The following ERG variants were observed in gnomAD, a reference collection of about 807,000 sequenced individuals.
The protein encoded by ERG is transcriptional regulator ERG.
In ERG, 9 loss-of-function variants were observed where a neutral mutation model predicts 55.3. The ratio of observed to expected loss-of-function variants is 0.16; its 90% CI spans 0.10 to 0.28. ERG has a LOEUF of 0.28. Among genes scored for constraint, ERG ranks in the 10% least tolerant of loss-of-function variants. ERG has a pLI of 1.00. For synonymous variants in ERG, 223 were observed against 237.3 expected (o/e 0.94, Z 0.55); for missense variants, 434 against 631.6 (o/e 0.69, Z 3.35).
chr21:38,382,248 T>C lies in ERG; in HGVS notation c.*1155A>G, dbSNP rs537448464. On this transcript the variant is annotated 3_prime_UTR_variant, in exon 10 of 10. Coordinates refer to ENST00000288319, the MANE Select transcript of ERG (RefSeq NM_182918.4). ...ATTATATAAAAAGGGGGAAAAACAT[T>C]GACTTGTATACTTCATTCTGACAAA... 4.5e-4 allele frequency: 468 copies of C among 1,050,474 alleles called. 1 individual carries two copies. The highest frequency in any genetic ancestry group is 3.9e-4 in the Non-Finnish European group (336 of 869,524). The allele number at this position is 1,050,474 out of a possible 1,614,324, so 65.1% of individuals were successfully genotyped here. A position where few individuals can be genotyped will look rare whatever the true frequency, so the allele number is the denominator to read the frequency against.
chr21:38,473,965 A>G (rs148107403), intron 1 of ERG: 124 of 152,284 alleles, frequency 8.1e-4, no homozygotes, highest in African/African-American at 2.9e-3. Flanking sequence ...GTTGGAAAAC[A>G]TGAGCCAACT....
At chr21:38,538,995 G>A (rs530886559) in intron 2 of ERG, among the ~76,000 whole-genome samples, 6 of 152,282 alleles carry the variant, frequency 3.9e-5, no homozygotes, top group South Asian at 2.1e-4. Flanking sequence ...AGGAATAAAT[G>A]AGCAGATGTC....
chr21:38,513,174 AATAC>A (rs1344898025), intron 2 of ERG, among the ~76,000 whole-genome samples: 1 of 152,122 alleles, frequency 6.6e-6, no homozygotes, highest in Non-Finnish European at 1.5e-5. Flanking sequence ...GACTTTATAG[AATAC>A]ATAAATATAT....
intron 1 of ERG, among the ~76,000 whole-genome samples, chr21:38,472,464 A>G (rs924313834): frequency 6.6e-6 from 1 of 152,190 alleles, no homozygotes; most frequent in African/African-American, 2.4e-5. Context: ...TTAGAGATAA[A>G]GACAGAGGTT....
intron 1 of ERG, among the ~76,000 whole-genome samples, chr21:38,577,066 A>G (rs2836531): frequency 0.58 from 88,883 of 152,096 alleles, 28,417 homozygotes; most frequent in African/African-American, 0.85. Flanking sequence ...TCTCCTTTAC[A>G]ATGGCTCTTT....
chr21:38,452,513 GGA>G (rs1008967627), intron 1 of ERG, among the ~76,000 whole-genome samples: 9 of 152,052 alleles, frequency 5.9e-5, no homozygotes, highest in African/African-American at 2.2e-4. Context: ...AAGATAATAA[GGA>G]GAGATGAAAA....
At chr21:38,571,523 TA>T (rs2059957684) in intron 2 of ERG, among the ~76,000 whole-genome samples, 3 of 150,776 alleles carry the variant, frequency 2.0e-5, no homozygotes, top group African/African-American at 4.9e-5. Flanking sequence ...AAAAAATAAA[TA>T]AAAATAAATA....
chr21:38,450,091 TA>T (rs201099274), intron 1 of ERG, among the ~76,000 whole-genome samples: 3,728 of 144,630 alleles, frequency 0.026, 62 homozygotes, highest in Middle Eastern at 0.073. Flanking sequence ...TGATCATGCT[TA>T]AAAAAAAAAA....
intron 2 of ERG, among the ~76,000 whole-genome samples, chr21:38,553,960 T>TA (rs201128775): frequency 0.065 from 9,720 of 149,704 alleles, 489 homozygotes; most frequent in Admixed American, 0.16. Flanking sequence ...GCAGAATCTA[T>TA]AAAAAAAAAC....
intron 1 of ERG, among the ~76,000 whole-genome samples, chr21:38,601,013 C>T (rs2060161490): frequency 6.6e-6 from 1 of 152,190 alleles, no homozygotes; most frequent in Admixed American, 6.5e-5. Context: ...CTGGGCATTA[C>T]AATCAGGTTT....
intron 2 of ERG, among the ~76,000 whole-genome samples, chr21:38,534,128 A>G (rs2059692214): frequency 6.6e-6 from 1 of 152,068 alleles, no homozygotes; most frequent in Admixed American, 6.6e-5. Context: ...CAGCTCCTTG[A>G]CTCAAGTATT....
chr21:38,529,690 C>T (rs1182899296), intron 2 of ERG, among the ~76,000 whole-genome samples: 2 of 152,126 alleles, frequency 1.3e-5, no homozygotes, highest in African/African-American at 4.8e-5. Context: ...GCTGGCCAGG[C>T]GCGGTGGCTC....
At chr21:38,605,803 T>C (rs1214236188) in intron 1 of ERG, among the ~76,000 whole-genome samples, 1 of 151,672 alleles carries the variant, frequency 6.6e-6, no homozygotes, top group African/African-American at 2.4e-5. Context: ...TTCTGTTACT[T>C]GTATGGTGTG....
intron 1 of ERG, among the ~76,000 whole-genome samples, chr21:38,643,388 A>C (rs1040810277): frequency 2.6e-5 from 4 of 152,178 alleles, no homozygotes; most frequent in Non-Finnish European, 5.9e-5. Flanking sequence ...CGTGCACCCC[A>C]TGACACTCGC....
chr21:38,585,013 AC>A (rs2060053578), upstream of ERG: 1 of 152,218 alleles, frequency 6.6e-6, no homozygotes, highest in African/African-American at 2.4e-5. Context: ...GATCAACTGT[AC>A]ATGTACCGAC....
At chr21:38,575,532 G>T in intron 2 of ERG, 1 of 653,446 alleles carries the variant, frequency 1.5e-6, no homozygotes. Context: ...ATTTAAAAAA[G>T]TAAAAACCAT....
intron 1 of ERG, among the ~76,000 whole-genome samples, chr21:38,590,645 C>T (rs1469904570): frequency 6.6e-6 from 1 of 150,868 alleles, no homozygotes; most frequent in African/African-American, 2.5e-5. Flanking sequence ...TGTATTCATC[C>T]ATCCATCATC....
Position 38,391,026 on chromosome 21 carries a change from A to C in ERG, c.888T>G (p.Leu296=), listed in dbSNP as rs547482306. The change falls in exon 9 of 10, where the codon CTT becomes CTG. Residue 296 remains leucine (L), a synonymous_variant. Transcript: ENST00000288319. ...TTGCAAGGCGGCTACTTGTTGGTCC[A>C]AGAATCTGATAAGGATCTACAGCAA... ...QRPQLDPYQI[L]GPTSSRLANP... 1.8e-5 allele frequency: 29 copies of C among 1,613,644 alleles called. No individual in the cohort carries two copies. Among genetic ancestry groups the C allele is most frequent in the Non-Finnish European group, 2.5e-5 (29 of 1,179,684 alleles).
intron 3 of ERG, among the ~76,000 whole-genome samples, chr21:38,418,165 T>C (rs1989365060): frequency 6.6e-6 from 1 of 152,226 alleles, no homozygotes; most frequent in Admixed American, 6.5e-5. Context: ...ATCTTCTATC[T>C]AGATTAGAAC....
Sources: gnomAD v4.1 joint callset for allele counts (sites outside exome capture counted in the v4.1 genomes callset) on GRCh38, gnomAD v4.1.1 for gene constraint, MANE v1.5 for transcripts, NCBI Gene and HGNC (gene_info 2026-07-23, HGNC 2026-07-21) for gene names.